WDR70: variants seen among roughly 807,000 people sequenced by gnomAD.
The protein encoded by WDR70 is WD repeat-containing protein 70.
In WDR70, 53 loss-of-function variants were observed where a neutral mutation model predicts 88.6. That is an observed-to-expected ratio of 0.60 (90% CI 0.48 to 0.75). WDR70 has a LOEUF of 0.75. Ranked by LOEUF, WDR70 falls within the 30% of genes least tolerant of loss-of-function variation. The pLI is 0.00. For missense variants in WDR70, 610 were observed against 823.2 expected, an observed-to-expected ratio of 0.74 and a Z score of 3.17; for synonymous variants, 280 against 270.0, an observed-to-expected ratio of 1.04 and a Z score of -0.36.
chr5:37,709,374 C>T (rs1362849037), intron 13 of WDR70, among the ~76,000 whole-genome samples: 3 of 152,118 alleles, frequency 2.0e-5, no homozygotes, highest in Middle Eastern at 3.2e-3. Flanking sequence ...TTAAACAATG[C>T]ATATCCTAGA....
At chr5:37,446,784 T>G (rs1403015912) in intron 7 of WDR70, among the ~76,000 whole-genome samples, 2 of 152,156 alleles carry the variant, frequency 1.3e-5, no homozygotes, top group Non-Finnish European at 2.9e-5. Flanking sequence ...TACACAAAAA[T>G]TAATTCAAGA....
intron 7 of WDR70, among the ~76,000 whole-genome samples, chr5:37,454,626 T>C (rs1033113782): frequency 6.6e-6 from 1 of 152,252 alleles, no homozygotes; most frequent in African/African-American, 2.4e-5. Flanking sequence ...AGTCATAAAG[T>C]GTTATACACT....
intron 10 of WDR70, among the ~76,000 whole-genome samples, chr5:37,678,064 T>C (rs1425276924): frequency 6.6e-6 from 1 of 152,182 alleles, no homozygotes; most frequent in Non-Finnish European, 1.5e-5. Flanking sequence ...CCCTGCCTTT[T>C]TTTGTTTTCC....
intron 9 of WDR70, among the ~76,000 whole-genome samples, chr5:37,564,437 G>T (rs928120910): frequency 2.0e-4 from 30 of 152,072 alleles, no homozygotes; most frequent in Admixed American, 7.2e-4. Flanking sequence ...TGAGGCAGGA[G>T]AATCAGGCAG....
chr5:37,538,492 G>T (rs1018732859), intron 9 of WDR70, among the ~76,000 whole-genome samples: 2 of 152,160 alleles, frequency 1.3e-5, no homozygotes, highest in African/African-American at 2.4e-5. Flanking sequence ...AGATGCAGTT[G>T]GGGGGAGGAT....
At chr5:37,536,919 T>C (rs928351683) in intron 9 of WDR70, among the ~76,000 whole-genome samples, 12 of 152,126 alleles carry the variant, frequency 7.9e-5, no homozygotes, top group African/African-American at 2.9e-4. Context: ...GATACTGGCC[T>C]CTTAAAATGA....
intron 5 of WDR70, among the ~76,000 whole-genome samples, chr5:37,424,452 T>G (rs1190478446): frequency 6.6e-6 from 1 of 151,652 alleles, no homozygotes; most frequent in Non-Finnish European, 1.5e-5. Flanking sequence ...TTGCCCAGGC[T>G]GGAGTACAGT....
At position 37,750,423 on chromosome 5, in the gene WDR70, C is replaced by A. The variant is rs10071882; in HGVS notation, c.1878-2063C>A. Among the ~76,000 whole-genome samples the A allele has an allele frequency of 7.6e-3, 1,152 of 152,246 alleles. 15 individuals carry two copies. Among genetic ancestry groups the A allele is most frequent in the African/African-American group, 0.026 (1,083 of 41,530 alleles). ...TGGTGGTGCACATCTGCAGTCCTAG[C>A]TACTGGGGAGGCTGAGGCAGGAGGA... is the stretch of plus-strand genomic sequence containing the variant. On this transcript the variant is annotated intron_variant, in intron 17 of 17. Coordinates refer to ENST00000265107, the MANE Select transcript of WDR70 (RefSeq NM_018034.4).
chr5:37,413,452 G>A (rs978597458), intron 5 of WDR70, among the ~76,000 whole-genome samples: 3 of 152,080 alleles, frequency 2.0e-5, no homozygotes, highest in African/African-American at 7.2e-5. Flanking sequence ...ACTGGGCACC[G>A]TGGCTCACAC....
intron 9 of WDR70, among the ~76,000 whole-genome samples, chr5:37,521,740 A>C (rs148238321): frequency 0.033 from 4,284 of 131,240 alleles, 202 homozygotes; most frequent in African/African-American, 0.11. Flanking sequence ...ACACACACAC[A>C]CCCACATGTT....
rs1020635417 is a variant in WDR70, at chr5:37,697,731, G to T, written c.1169G>T (p.Gly390Val). Residue 390 changes from glycine to valine, a missense_variant, in exon 11 of 18, where the codon GGT becomes GTT. Gly to Val is a moderately radical substitution (Grantham distance 109). Coordinates refer to ENST00000265107, the MANE Select transcript of WDR70 (RefSeq NM_018034.4). ...DTSCVTFSYD[G>V]NVLASRGGDD... ...TCTTGCGTGACTTTTTCCTATGATG[G>T]TAATGTCCTTGCCTCTCGTGGAGGT... 6.2e-7 allele frequency: 1 copy of T among 1,613,652 alleles called. No homozygotes were observed. Among genetic ancestry groups the T allele is most frequent in the Non-Finnish European group, 8.5e-7 (1 of 1,179,670 alleles).
At chr5:37,543,965 T>A (rs1220076997) in intron 9 of WDR70, among the ~76,000 whole-genome samples, 1 of 151,930 alleles carries the variant, frequency 6.6e-6, no homozygotes, top group East Asian at 1.9e-4. Flanking sequence ...GGAGACGGGG[T>A]TTCACCATGT....
intron 13 of WDR70, among the ~76,000 whole-genome samples, chr5:37,705,323 C>A (rs1747291335): frequency 6.6e-6 from 1 of 151,898 alleles, no homozygotes; most frequent in Non-Finnish European, 1.5e-5. Flanking sequence ...AAGAGACGAG[C>A]AAATGAAACT....
chr5:37,714,999 G>A (rs762557369), intron 13 of WDR70, among the ~76,000 whole-genome samples: 7 of 152,072 alleles, frequency 4.6e-5, no homozygotes, highest in Non-Finnish European at 7.4e-5. Flanking sequence ...TTAGTGCCAA[G>A]GATGACTACC....
intron 10 of WDR70, among the ~76,000 whole-genome samples, chr5:37,696,225 A>G (rs1476904342): frequency 5.3e-5 from 8 of 152,196 alleles, no homozygotes; most frequent in African/African-American, 1.7e-4. Flanking sequence ...AATTCTTTGT[A>G]TCCATGAAAG....
chr5:37,416,478 C>T (rs931381521), intron 5 of WDR70, among the ~76,000 whole-genome samples: 13 of 150,974 alleles, frequency 8.6e-5, no homozygotes, highest in South Asian at 6.2e-4. Context: ...AGCTTCGGCT[C>T]GGCATCAGAG....
intron 7 of WDR70, among the ~76,000 whole-genome samples, chr5:37,449,262 TC>T (rs2112073371): frequency 6.6e-6 from 1 of 152,306 alleles, no homozygotes; most frequent in Non-Finnish European, 1.5e-5. Context: ...CTCCTTTCTT[TC>T]GTTTTTGGAA....
chr5:37,629,177 A>T (rs1744746823), intron 10 of WDR70, among the ~76,000 whole-genome samples: 1 of 152,000 alleles, frequency 6.6e-6, no homozygotes, highest in East Asian at 1.9e-4. Context: ...CTTATTTATG[A>T]CTTGACTCTT....
At chr5:37,662,247 T>G (rs1186308895) in intron 10 of WDR70, among the ~76,000 whole-genome samples, 1 of 152,220 alleles carries the variant, frequency 6.6e-6, no homozygotes, top group African/African-American at 2.4e-5. Flanking sequence ...TGTTTTCCCT[T>G]TAAAACTCAG....
Sources: gnomAD v4.1 joint callset for allele counts (sites outside exome capture counted in the v4.1 genomes callset) on GRCh38, gnomAD v4.1.1 for gene constraint, MANE v1.5 for transcripts, NCBI Gene and HGNC (gene_info 2026-07-23, HGNC 2026-07-21) for gene names.